The following HOTAIR variants were observed in gnomAD, a reference collection of about 807,000 sequenced individuals.
HOTAIR encodes the protein HOX transcript antisense RNA.
intron 1 of HOTAIR, among the ~76,000 whole-genome samples, chr12:53,970,937 G>A (rs564647756): frequency 6.6e-6 from 1 of 152,288 alleles, no homozygotes; most frequent in African/African-American, 2.4e-5. Context: ...GAGAAAGCGG[G>A]ATCTGAGACT....
At chr12:53,972,583 A>C (rs1939165900) in intron 1 of HOTAIR, among the ~76,000 whole-genome samples, 1 of 152,220 alleles carries the variant, frequency 6.6e-6, no homozygotes, top group African/African-American at 2.4e-5. Flanking sequence ...AGGACTCCAG[A>C]AAGGTAGTCT....
In HOTAIR at chr12:53,973,724, T is replaced by C; in HGVS notation, n.59+1174A>G. 6.2e-7 allele frequency: 1 copy of C among 1,612,416 alleles called. No individual in the cohort carries two copies. ...GTTTCTTCGACAACGCCTACTGCGG[T>C]GGCGGCGACCCGCCCGCCGAGCCCC... On this transcript the variant is annotated intron_variant and non_coding_transcript_variant, in intron 1 of 6. Coordinates refer to ENST00000424518, the Ensembl canonical transcript of HOTAIR. The surrounding 1 kb of genome is among the most constrained non-coding windows in gnomAD (Gnocchi z 4.3).
At position 53,973,743 on chromosome 12, in the gene HOTAIR, G is replaced by A. The variant is rs748712240; in HGVS notation, n.59+1155C>T. 1.7e-5 allele frequency: 28 copies of A among 1,612,654 alleles called. No individual in the cohort carries two copies. Among genetic ancestry groups the A allele is most frequent in the Admixed American group, 1.0e-4 (6 of 59,968 alleles). ...CTGCGGTGGCGGCGACCCGCCCGCC[G>A]AGCCCCCCTGCTCCGGCAAGGGCGA... On this transcript the variant is annotated intron_variant and non_coding_transcript_variant, in intron 1 of 6. Coordinates refer to ENST00000424518, the Ensembl canonical transcript of HOTAIR. This position sits in a 1 kb window ranked among gnomAD's most constrained non-coding sequence, Gnocchi z 4.3.
In HOTAIR at chr12:53,969,270, C is replaced by T. The variant is rs56673894; in HGVS notation, n.60-514G>A. Among the ~76,000 whole-genome samples the T allele has an allele frequency of 3.2e-3, 493 of 152,312 alleles. 1 individual carries two copies. The highest frequency in any genetic ancestry group is 0.011 in the African/African-American group (477 of 41,572). ...GGTGAGGGGGCCAGTGAAACCGGCT[C>T]GTAAAATAGGGCTTTTATGGGAAGA... On this transcript the variant is annotated intron_variant and non_coding_transcript_variant, in intron 1 of 6. Transcript: ENST00000424518.
In HOTAIR at chr12:53,973,343, G is replaced by A; in HGVS notation, n.59+1555C>T. The A allele has an allele frequency of 6.2e-7, 1 of 1,614,060 alleles. No individual in the cohort carries two copies. The highest frequency in any genetic ancestry group is 8.5e-7 in the Non-Finnish European group (1 of 1,179,988). ...GGAGCTGCGCCTCCAACCTCTATCTGCCCAGTTGCACTTACTACATGCCCG... is the reference window on the plus strand; with the variant it reads ...GGAGCTGCGCCTCCAACCTCTATCTACCCAGTTGCACTTACTACATGCCCG... On this transcript the variant is annotated intron_variant and non_coding_transcript_variant, in intron 1 of 6. Transcript: ENST00000424518. The surrounding 1 kb of genome is among the most constrained non-coding windows in gnomAD (Gnocchi z 4.3).
intron 1 of HOTAIR, among the ~76,000 whole-genome samples, chr12:53,972,186 C>G (rs1939159574): frequency 6.6e-6 from 1 of 152,228 alleles, no homozygotes; most frequent in Non-Finnish European, 1.5e-5. Flanking sequence ...TTTCAGCGCA[C>G]TAGCTGAGGC....
exon 7 of HOTAIR, chr12:53,963,429 C>G (rs1244706446): frequency 6.6e-6 from 1 of 152,250 alleles, no homozygotes; most frequent in Non-Finnish European, 1.5e-5. Context: ...CTTTCCTTAG[C>G]AACTAAAAAT....
chr12:53,972,045 G>A (rs1458361712), intron 1 of HOTAIR, among the ~76,000 whole-genome samples: 1 of 152,152 alleles, frequency 6.6e-6, no homozygotes, highest in Non-Finnish European at 1.5e-5. Context: ...TCCACTGTCT[G>A]GTTAGTCTCT....
chr12:53,969,252 G>A (rs1277527649), intron 1 of HOTAIR, among the ~76,000 whole-genome samples: 1 of 152,224 alleles, frequency 6.6e-6, no homozygotes, highest in African/African-American at 2.4e-5. Flanking sequence ...TTTGGTGAGG[G>A]GGCCAGTGAA....
Position 53,973,938 on chromosome 12 carries a change from C to T in HOTAIR, n.59+960G>A, listed in dbSNP as rs34745448. 4.6e-3 allele frequency: 6,534 copies of T among 1,431,504 alleles called. 27 individuals are homozygous for T. The highest frequency in any genetic ancestry group is 5.2e-3 in the Non-Finnish European group (5,655 of 1,090,782). 88.7% of individuals were successfully genotyped at this position (1,431,504 alleles called of 1,614,324 possible). On this transcript the variant is annotated intron_variant and non_coding_transcript_variant, in intron 1 of 6. Coordinates refer to ENST00000424518, the Ensembl canonical transcript of HOTAIR. This position sits in a 1 kb window ranked among gnomAD's most constrained non-coding sequence, Gnocchi z 4.3. Reference sequence around the variant, plus strand: ...AGCCGCCCCCAGTAGGTAGCAGCGGCCGGGGAACGGGCGGGCAGCGAGGGA... The same window carrying T: ...AGCCGCCCCCAGTAGGTAGCAGCGGTCGGGGAACGGGCGGGCAGCGAGGGA...
rs115512483 is a variant in HOTAIR, at chr12:53,974,891, C to T, written n.59+7G>A. On this transcript the variant is annotated splice_region_variant and intron_variant and non_coding_transcript_variant, in intron 1 of 6. Coordinates refer to ENST00000424518, the Ensembl canonical transcript of HOTAIR. ...CAGACAGGGGGCCCGAGGGGACGCA[C>T]GTGTACCTGGAGGGCTTTCCTTCTG... The T allele has an allele frequency of 5.0e-3, 1,754 of 351,490 alleles. 30 individuals are homozygous for T. The highest frequency in any genetic ancestry group is 0.035 in the African/African-American group (1,610 of 45,696). 21.8% of individuals were successfully genotyped at this position (351,490 alleles called of 1,614,324 possible). A position where few individuals can be genotyped will look rare whatever the true frequency, so the allele number is the denominator to read the frequency against.
chr12:53,965,088 C>T lies in HOTAIR; in HGVS notation n.552-805G>A, dbSNP rs116257153. On this transcript the variant is annotated intron_variant and non_coding_transcript_variant, in intron 5 of 6. Transcript: ENST00000424518. ...CAGCAATAGACAAGGTGGAGAGGCC[C>T]TTATAGTCTTTCTCTATCCTATTTT... is the stretch of plus-strand genomic sequence containing the variant. 3.7e-3 allele frequency among the ~76,000 whole-genome samples: 564 copies of T among 152,334 alleles called. 3 individuals carry two copies. Among genetic ancestry groups the T allele is most frequent in the African/African-American group, 0.013 (546 of 41,566 alleles).
chr12:53,974,705 G>A (rs985704991), intron 1 of HOTAIR, among the ~76,000 whole-genome samples: 1 of 151,858 alleles, frequency 6.6e-6, no homozygotes, highest in Non-Finnish European at 1.5e-5. Flanking sequence ...TGGTGTCTCG[G>A]TGCCTGCTGG....
intron 1 of HOTAIR, among the ~76,000 whole-genome samples, chr12:53,970,231 A>G (rs549351064): frequency 2.6e-5 from 4 of 152,364 alleles, no homozygotes; most frequent in African/African-American, 9.6e-5. Context: ...ACAGGCACCC[A>G]CCAGATAAGA....
intron 1 of HOTAIR, among the ~76,000 whole-genome samples, chr12:53,970,287 G>GACAA (rs1286802140): frequency 1.2e-3 from 184 of 152,336 alleles, no homozygotes; most frequent in African/African-American, 4.2e-3. Context: ...AGGGATTGGG[G>GACAA]GCCAGGGATG....
rs772243194 is a variant in HOTAIR, at chr12:53,973,677, G to C, written n.59+1221C>G. 1.2e-6 allele frequency: 2 copies of C among 1,613,686 alleles called. No individual in the cohort carries two copies. Among genetic ancestry groups the C allele is most frequent in the East Asian group, 2.2e-5 (1 of 44,866 alleles). On this transcript the variant is annotated intron_variant and non_coding_transcript_variant, in intron 1 of 6. Coordinates refer to ENST00000424518, the Ensembl canonical transcript of HOTAIR. The surrounding 1 kb of genome is among the most constrained non-coding windows in gnomAD (Gnocchi z 4.3). Reference sequence around the variant, plus strand: ...CTACTCCTCAGTCAACAAGAACAGCGTCCTGCCTCAAGCCTTCGACCGTTT... The same window carrying C: ...CTACTCCTCAGTCAACAAGAACAGCCTCCTGCCTCAAGCCTTCGACCGTTT...
Position 53,973,909 on chromosome 12 carries a change from A to T in HOTAIR, n.59+989T>A. ...CACTCCGTGGCCAAGGAGCCGGCCA[A>T]AGGAGCCGCCCCCAGTAGGTAGCAG... On this transcript the variant is annotated intron_variant and non_coding_transcript_variant, in intron 1 of 6. Coordinates refer to ENST00000424518, the Ensembl canonical transcript of HOTAIR. The surrounding 1 kb of genome is among the most constrained non-coding windows in gnomAD (Gnocchi z 4.3). 6.9e-7 allele frequency: 1 copy of T among 1,444,152 alleles called. No individual in the cohort carries two copies. The highest frequency in any genetic ancestry group is 9.1e-7 in the Non-Finnish European group (1 of 1,096,762). 89.5% of individuals were successfully genotyped at this position (1,444,152 alleles called of 1,614,324 possible). A position where few individuals can be genotyped will look rare whatever the true frequency, so the allele number is the denominator to read the frequency against.
Position 53,973,757 on chromosome 12 carries a change from C to T in HOTAIR, n.59+1141G>A. 7 of 1,612,322 alleles carry T rather than the reference C, an allele frequency of 4.3e-6. No homozygotes were observed. The highest frequency in any genetic ancestry group is 5.9e-6 in the Non-Finnish European group (7 of 1,179,528). On this transcript the variant is annotated intron_variant and non_coding_transcript_variant, in intron 1 of 6. Transcript: ENST00000424518. The surrounding 1 kb of genome is among the most constrained non-coding windows in gnomAD (Gnocchi z 4.3). Reference sequence around the variant, plus strand: ...ACCCGCCCGCCGAGCCCCCCTGCTCCGGCAAGGGCGAGGCCAAGGGGGAGC... The same window carrying T: ...ACCCGCCCGCCGAGCCCCCCTGCTCTGGCAAGGGCGAGGCCAAGGGGGAGC...
chr12:53,971,395 T>C (rs974605760), intron 1 of HOTAIR, among the ~76,000 whole-genome samples: 25 of 152,190 alleles, frequency 1.6e-4, no homozygotes, highest in Admixed American at 1.6e-3. Context: ...GTCACTTAAA[T>C]GCTGAGCAAG....
Sources: gnomAD v4.1 joint callset for allele counts (sites outside exome capture counted in the v4.1 genomes callset) on GRCh38, gnomAD v4.1.1 for gene constraint, Gnocchi (gnomAD v3.1) non-coding constraint, MANE v1.5 for transcripts, NCBI Gene and HGNC (gene_info 2026-07-23, HGNC 2026-07-21) for gene names.